RPS6KC1: variants seen among roughly 807,000 people sequenced by gnomAD.
RPS6KC1 encodes the protein inactive ribosomal protein S6 kinase delta-1.
RPS6KC1 carries 54 observed loss-of-function variants against 103.8 expected under a neutral mutation model. The observed-to-expected ratio is 0.52, with a 90% CI of 0.42 to 0.65. The LOEUF (loss-of-function observed/expected upper bound fraction) is 0.65. RPS6KC1 is among the 30% of genes least tolerant of loss of function. The probability of loss-of-function intolerance (pLI) is 0.00; values close to 1 mark genes in which losing one functional copy is unlikely to be tolerated. For missense variants in RPS6KC1, 1,151 were observed against 1,253.8 expected (o/e 0.92, Z 1.24); for synonymous variants, 439 against 438.7 (o/e 1.00, Z -0.01).
At chr1:213,644,096 G>T in the RPS6KC1 span, among the ~76,000 whole-genome samples, 13 of 152,056 alleles carry the variant, frequency 8.5e-5, no homozygotes, top group Admixed American at 7.9e-4. Context: ...ATCTGGTATT[G>T]ATGTGGGATT....
the RPS6KC1 span, among the ~76,000 whole-genome samples, chr1:213,533,488 G>A: frequency 6.6e-6 from 1 of 152,158 alleles, no homozygotes; most frequent in Admixed American, 6.5e-5. Context: ...GAAGGAACAT[G>A]GATAACTGTA....
the RPS6KC1 span, among the ~76,000 whole-genome samples, chr1:213,695,764 G>C: frequency 6.6e-6 from 1 of 152,040 alleles, no homozygotes; most frequent in East Asian, 1.9e-4. Flanking sequence ...CTGCCCTATA[G>C]GTCTATCTAG....
chr1:213,422,556 G>A, the RPS6KC1 span, among the ~76,000 whole-genome samples: 1 of 152,112 alleles, frequency 6.6e-6, no homozygotes, highest in Admixed American at 6.5e-5. Context: ...GTATTCTAAG[G>A]GTTGATTATA....
At chr1:213,052,134 A>C (rs1429473263) in intron 1 of RPS6KC1, among the ~76,000 whole-genome samples, 1 of 152,232 alleles carries the variant, frequency 6.6e-6, no homozygotes, top group East Asian at 1.9e-4. Context: ...ACATCAACTA[A>C]CTGGTCCAAT....
the RPS6KC1 span, among the ~76,000 whole-genome samples, chr1:213,662,594 A>C: frequency 2.0e-5 from 3 of 152,026 alleles, no homozygotes. Flanking sequence ...TAACTTTTCC[A>C]AAGCATGACT....
At chr1:213,442,019 T>G in the RPS6KC1 span, among the ~76,000 whole-genome samples, 1 of 152,212 alleles carries the variant, frequency 6.6e-6, no homozygotes, top group African/African-American at 2.4e-5. Context: ...TCCCATCACT[T>G]CTGTGGGAGG....
At chr1:213,394,400 C>T in the RPS6KC1 span, among the ~76,000 whole-genome samples, 1 of 152,174 alleles carries the variant, frequency 6.6e-6, no homozygotes, top group Non-Finnish European at 1.5e-5. Context: ...AAACTAGGGC[C>T]TTCCCACTGT....
the RPS6KC1 span, among the ~76,000 whole-genome samples, chr1:213,743,572 C>T: frequency 6.6e-6 from 1 of 152,190 alleles, no homozygotes; most frequent in African/African-American, 2.4e-5. Flanking sequence ...GAAAGCCTGA[C>T]TTCAATGCCA....
At chr1:213,617,793 C>T in the RPS6KC1 span, among the ~76,000 whole-genome samples, 1 of 152,164 alleles carries the variant, frequency 6.6e-6, no homozygotes. Context: ...AGACATTTCA[C>T]TATCCTAAAG....
chr1:213,602,377 G>A, the RPS6KC1 span, among the ~76,000 whole-genome samples: 20 of 150,410 alleles, frequency 1.3e-4, no homozygotes, highest in African/African-American at 4.9e-4. Context: ...GGGATTACAG[G>A]CACCTGCCAC....
chr1:213,834,943 G>A, the RPS6KC1 span, among the ~76,000 whole-genome samples: 1 of 152,162 alleles, frequency 6.6e-6, no homozygotes, highest in African/African-American at 2.4e-5. Context: ...TCTAGTATGT[G>A]CTGGGAGGTG....
At chr1:213,141,516 T>C (rs998680859) in intron 6 of RPS6KC1, among the ~76,000 whole-genome samples, 1 of 152,014 alleles carries the variant, frequency 6.6e-6, no homozygotes. Flanking sequence ...TATTTGGATA[T>C]TTTCCCTTTT....
the RPS6KC1 span, among the ~76,000 whole-genome samples, chr1:213,331,669 G>C: frequency 6.6e-6 from 1 of 152,216 alleles, no homozygotes; most frequent in Admixed American, 6.5e-5. Context: ...AGGGAGAGCT[G>C]TCTGCACAGG....
the RPS6KC1 span, among the ~76,000 whole-genome samples, chr1:213,597,465 CAG>C: frequency 6.6e-6 from 1 of 152,104 alleles, no homozygotes; most frequent in Non-Finnish European, 1.5e-5. Context: ...AAGAAGGAAA[CAG>C]AGTGTAGCCA....
chr1:213,210,762 TAAC>T (rs1422547246), intron 8 of RPS6KC1, among the ~76,000 whole-genome samples: 1 of 152,230 alleles, frequency 6.6e-6, no homozygotes, highest in East Asian at 1.9e-4. Flanking sequence ...TTAAAAATAA[TAAC>T]ATTTAAAGCT....
chr1:213,380,178 C>G, the RPS6KC1 span, among the ~76,000 whole-genome samples: 1 of 152,128 alleles, frequency 6.6e-6, no homozygotes, highest in South Asian at 2.1e-4. Flanking sequence ...TTTGCAGCAG[C>G]CTGGATGGAG....
At chr1:213,362,475 G>T in the RPS6KC1 span, among the ~76,000 whole-genome samples, 92 of 152,264 alleles carry the variant, frequency 6.0e-4, no homozygotes, top group African/African-American at 2.0e-3. Flanking sequence ...AGAAACTGAG[G>T]CACAGAGAAG....
At chr1:213,746,399 G>A in the RPS6KC1 span, among the ~76,000 whole-genome samples, 1 of 152,274 alleles carries the variant, frequency 6.6e-6, no homozygotes, top group African/African-American at 2.4e-5. Context: ...GGGCACCTGG[G>A]GTGTCTGGTG....
intron 7 of RPS6KC1, among the ~76,000 whole-genome samples, chr1:213,172,307 A>C (rs2091535070): frequency 6.6e-6 from 1 of 152,102 alleles, no homozygotes; most frequent in South Asian, 2.1e-4. Context: ...AACAGAAACA[A>C]AGCCTTTTAA....
Sources: allele counts gnomAD v4.1 joint callset (sites outside exome capture counted in the v4.1 genomes callset), GRCh38; gene constraint gnomAD v4.1.1; transcripts MANE v1.5; gene names NCBI Gene and HGNC (gene_info 2026-07-23, HGNC 2026-07-21).